LHFPL3: variants seen among roughly 807,000 people sequenced by gnomAD.
LHFPL3 encodes the protein LHFPL tetraspan subfamily member 3.
Under a neutral mutation model 19.3 loss-of-function variants are expected in LHFPL3, and 5 were observed. That is an observed-to-expected ratio of 0.26 (90% CI 0.14 to 0.54). LHFPL3 has a LOEUF of 0.54. Among genes scored for constraint, LHFPL3 ranks in the 20% least tolerant of loss-of-function variants. LHFPL3 has a pLI of 0.94. For missense variants in LHFPL3, 249 were observed against 307.4 expected, an observed-to-expected ratio of 0.81 and a Z score of 1.42; for synonymous variants, 133 against 126.2, an observed-to-expected ratio of 1.05 and a Z score of -0.36.
intron 1 of LHFPL3, among the ~76,000 whole-genome samples, chr7:104,520,082 T>C (rs1434370406): frequency 2.0e-5 from 3 of 151,956 alleles, no homozygotes; most frequent in Non-Finnish European, 4.4e-5. Flanking sequence ...TGGCTGTGGG[T>C]TTGTCATAGA....
chr7:104,429,301 C>CTTTTTTTTTTT (rs71823474), intron 1 of LHFPL3, among the ~76,000 whole-genome samples: 1 of 84,532 alleles, frequency 1.2e-5, no homozygotes, highest in Non-Finnish European at 2.1e-5. Flanking sequence ...TATGTCATTC[C>CTTTTTTTTTTT]TTTTTTTTTT....
At chr7:104,716,029 A>G (rs1287640737) in intron 1 of LHFPL3, among the ~76,000 whole-genome samples, 2 of 152,176 alleles carry the variant, frequency 1.3e-5, no homozygotes, top group Non-Finnish European at 1.5e-5. Context: ...CACTGGAGCA[A>G]TTAGGCAGGA....
At chr7:104,480,048 C>G (rs1793100878) in intron 1 of LHFPL3, among the ~76,000 whole-genome samples, 1 of 152,040 alleles carries the variant, frequency 6.6e-6, no homozygotes, top group African/African-American at 2.4e-5. Context: ...AGTTTTATAC[C>G]AGATCAGACA....
intron 1 of LHFPL3, among the ~76,000 whole-genome samples, chr7:104,710,138 C>T (rs531184270): frequency 2.0e-5 from 3 of 152,322 alleles, no homozygotes; most frequent in South Asian, 2.1e-4. Flanking sequence ...CCGGCCAACA[C>T]GGCGAAACCC....
Position 104,877,086 on chromosome 7 carries a change from T to G in LHFPL3, c.683-29101T>G, listed in dbSNP as rs1232581830. On this transcript the variant is annotated intron_variant, in intron 2 of 2. Coordinates refer to ENST00000424859, the MANE Select transcript of LHFPL3 (RefSeq NM_199000.3). The stretch of plus-strand genomic sequence containing the variant: ...GTGGAAATTGAACAATGAGAACACA[T>G]GGACACAGGAAGGGGAACATCACAC... 2.0e-5 allele frequency among the ~76,000 whole-genome samples: 3 copies of G among 152,002 alleles called. No individual in the cohort carries two copies. The East Asian group carries it at 5.8e-4, about 29-fold the overall frequency.
At chr7:104,500,987 A>G (rs964408796) in intron 1 of LHFPL3, among the ~76,000 whole-genome samples, 33 of 152,226 alleles carry the variant, frequency 2.2e-4, no homozygotes, top group Non-Finnish European at 8.8e-5. Context: ...CTTAACCTGT[A>G]TAGAGTTATC....
intron 1 of LHFPL3, among the ~76,000 whole-genome samples, chr7:104,386,227 A>G (rs911416000): frequency 2.0e-5 from 3 of 152,210 alleles, no homozygotes; most frequent in Non-Finnish European, 2.9e-5. Flanking sequence ...TCCCATTCCC[A>G]GGGCATTGTC....
In LHFPL3 at chr7:104,391,090, T is replaced by G. The variant is rs555840085; in HGVS notation, c.445+61866T>G. Among the ~76,000 whole-genome samples the G allele has an allele frequency of 2.0e-5, 3 of 152,346 alleles. No homozygotes were observed. The South Asian group carries it at 6.2e-4, about 32-fold the overall frequency. On this transcript the variant is annotated intron_variant, in intron 1 of 2. Coordinates refer to ENST00000424859, the MANE Select transcript of LHFPL3 (RefSeq NM_199000.3). ...TTGTAGATTCTGGATATTAGCCCTT[T>G]GTCAGATGGGTAGATTGCAAACATT...
chr7:104,682,109 C>T (rs1010658280), intron 1 of LHFPL3, among the ~76,000 whole-genome samples: 3 of 152,132 alleles, frequency 2.0e-5, no homozygotes, highest in Admixed American at 1.3e-4. Context: ...TTATTACCAG[C>T]GTAACTAGTT....
At chr7:104,751,670 T>A (rs1185944215) in intron 2 of LHFPL3, among the ~76,000 whole-genome samples, 1 of 151,628 alleles carries the variant, frequency 6.6e-6, no homozygotes, top group Non-Finnish European at 1.5e-5. Context: ...AGCAATGGAA[T>A]CTAATAATGT....
chr7:104,810,565 A>G (rs1790445147), intron 2 of LHFPL3, among the ~76,000 whole-genome samples: 1 of 152,156 alleles, frequency 6.6e-6, no homozygotes, highest in South Asian at 2.1e-4. Flanking sequence ...GTGGGGTAGC[A>G]AGCTCGGGGA....
At chr7:104,770,760 G>A (rs1794536335) in intron 2 of LHFPL3, among the ~76,000 whole-genome samples, 1 of 152,160 alleles carries the variant, frequency 6.6e-6, no homozygotes. Flanking sequence ...CAAGTCATCT[G>A]AAGCAAAACC....
At chr7:104,610,851 A>T (rs746137925) in intron 1 of LHFPL3, among the ~76,000 whole-genome samples, 1 of 152,218 alleles carries the variant, frequency 6.6e-6, no homozygotes, top group Non-Finnish European at 1.5e-5. Flanking sequence ...GTTAGTGCAT[A>T]CAGTTAACTG....
intron 1 of LHFPL3, among the ~76,000 whole-genome samples, chr7:104,551,682 C>A (rs1307877965): frequency 6.6e-6 from 1 of 152,106 alleles, no homozygotes; most frequent in African/African-American, 2.4e-5. Context: ...CCCTTGGCAA[C>A]AACCACTCAA....
At chr7:104,702,815 T>A (rs1213009864) in intron 1 of LHFPL3, among the ~76,000 whole-genome samples, 1 of 152,184 alleles carries the variant, frequency 6.6e-6, no homozygotes, top group Non-Finnish European at 1.5e-5. Flanking sequence ...TCCCTCTTTC[T>A]CCCTGGCGCC....
At chr7:104,783,211 G>A (rs527513833) in intron 2 of LHFPL3, among the ~76,000 whole-genome samples, 10 of 152,328 alleles carry the variant, frequency 6.6e-5, no homozygotes, top group African/African-American at 2.4e-4. Context: ...GGCTTAAACA[G>A]CATTTCCTCC....
chr7:104,529,411 G>T (rs1794250228), intron 1 of LHFPL3, among the ~76,000 whole-genome samples: 1 of 152,078 alleles, frequency 6.6e-6, no homozygotes, highest in Non-Finnish European at 1.5e-5. Flanking sequence ...TCTTTTGAGG[G>T]TTATGAGTGC....
At chr7:104,664,619 C>G (rs1343659401) in intron 1 of LHFPL3, among the ~76,000 whole-genome samples, 2 of 152,198 alleles carry the variant, frequency 1.3e-5, no homozygotes, top group African/African-American at 2.4e-5. Context: ...AGTTGTAGCA[C>G]AGCATAGATA....
At chr7:104,476,658 C>G (rs1024805726) in intron 1 of LHFPL3, among the ~76,000 whole-genome samples, 3 of 152,158 alleles carry the variant, frequency 2.0e-5, no homozygotes, top group Non-Finnish European at 4.4e-5. Flanking sequence ...CGGTGTTTCT[C>G]CATGTTGGTC....
Sources: gnomAD v4.1 joint callset for allele counts (sites outside exome capture counted in the v4.1 genomes callset) on GRCh38, gnomAD v4.1.1 for gene constraint, MANE v1.5 for transcripts, NCBI Gene and HGNC (gene_info 2026-07-23, HGNC 2026-07-21) for gene names.